PCDH15: variants seen among roughly 807,000 people sequenced by gnomAD.
PCDH15 encodes the protein protocadherin-15.
PCDH15 carries 129 observed loss-of-function variants against 178.5 expected under a neutral mutation model. The observed-to-expected ratio is 0.72, with a 90% confidence interval of 0.63 to 0.84. The LOEUF is 0.84. PCDH15 is among the 40% of genes least tolerant of loss of function. The pLI is 0.00. For missense variants in PCDH15, 2,230 were observed against 2,099.9 expected (o/e 1.06, Z -1.21); for synonymous variants, 800 against 732.0 (o/e 1.09, Z -1.50).
chr10:55,574,953 A>G (rs1842470366), intron 2 of PCDH15, among the ~76,000 whole-genome samples: 1 of 152,108 alleles, frequency 6.6e-6, no homozygotes, highest in African/African-American at 2.4e-5. Flanking sequence ...ATTATTTTCA[A>G]CATAGTTATC....
chr10:54,863,042 A>T (rs1953873088), intron 3 of PCDH15, among the ~76,000 whole-genome samples: 1 of 152,182 alleles, frequency 6.6e-6, no homozygotes, highest in Non-Finnish European at 1.5e-5. Context: ...ATTTTCTAAC[A>T]TCCCATATTA....
intron 2 of PCDH15, among the ~76,000 whole-genome samples, chr10:55,480,962 G>T (rs1840167000): frequency 6.6e-6 from 1 of 151,640 alleles, no homozygotes; most frequent in Non-Finnish European, 1.5e-5. Flanking sequence ...AATCCATCTG[G>T]TCCTGGGCTT....
chr10:55,201,592 G>A (rs1840249424), intron 1 of PCDH15, among the ~76,000 whole-genome samples: 1 of 152,152 alleles, frequency 6.6e-6, no homozygotes, highest in Non-Finnish European at 1.5e-5. Flanking sequence ...GGATGCTTTG[G>A]CAGAAAGATA....
chr10:54,006,995 T>C (rs1385394930), intron 20 of PCDH15, among the ~76,000 whole-genome samples: 1 of 152,164 alleles, frequency 6.6e-6, no homozygotes, highest in East Asian at 1.9e-4. Flanking sequence ...TATCCAAAAT[T>C]ATAATGAGCA....
chr10:54,870,186 A>T (rs1954011711), intron 3 of PCDH15, among the ~76,000 whole-genome samples: 1 of 152,198 alleles, frequency 6.6e-6, no homozygotes, highest in Non-Finnish European at 1.5e-5. Flanking sequence ...TGACCATCAG[A>T]GCTCTGGCTG....
Position 54,991,676 on chromosome 10 carries a change from C to A in PCDH15, c.-79-94176G>T, listed in dbSNP as rs532394432. ...ACAGCGGCTATGATAAAAATTTTGA[C>A]CTTCTCAACATGTCTCTTAGGGATA... On this transcript the variant is annotated intron_variant, in intron 2 of 5. Coordinates refer to the PCDH15 transcript ENST00000458638. 3.3e-5 allele frequency among the ~76,000 whole-genome samples: 5 copies of A among 152,216 alleles called. No individual in the cohort carries two copies. The South Asian group carries it at 1.0e-3, about 32-fold the overall frequency.
chr10:55,341,840 T>A, intron 2 of PCDH15, among the ~76,000 whole-genome samples: 1 of 120,516 alleles, frequency 8.3e-6, no homozygotes, highest in African/African-American at 3.0e-5. Flanking sequence ...TTAGTAGAGA[T>A]GGGGTTTCAC....
In PCDH15 at chr10:54,825,051, G is replaced by A. The variant is rs527787991; in HGVS notation, c.-29+72399C>T. ...CTCCCACCCCACAACAGTCTCCTGT[G>A]TGTGATGTTCCCCTTCCTGTGTCCA... On this transcript the variant is annotated intron_variant, in intron 3 of 5. Transcript: ENST00000458638. Among the ~76,000 whole-genome samples the A allele has an allele frequency of 5.3e-5, 8 of 151,982 alleles. No individual in the cohort carries two copies. In the South Asian group the frequency reaches 1.7e-3, roughly 32 times the overall value.
intron 16 of PCDH15, among the ~76,000 whole-genome samples, chr10:54,086,588 G>T (rs1380013522): frequency 6.6e-6 from 1 of 152,122 alleles, no homozygotes; most frequent in South Asian, 2.1e-4. Context: ...CATTTCAAAT[G>T]CATTGAAATG....
At chr10:53,932,527 C>A (rs1589486900) in intron 25 of PCDH15, among the ~76,000 whole-genome samples, 1 of 152,082 alleles carries the variant, frequency 6.6e-6, no homozygotes, top group East Asian at 1.9e-4. Context: ...ACTGTAGTTG[C>A]CAATGTTAAA....
intron 26 of PCDH15, among the ~76,000 whole-genome samples, chr10:53,880,247 C>A (rs910409937): frequency 5.3e-5 from 8 of 152,122 alleles, no homozygotes; most frequent in Non-Finnish European, 8.8e-5. Flanking sequence ...GCCACAGATT[C>A]AACCCATGGG....
At chr10:55,200,725 T>A (rs1373013212) in intron 1 of PCDH15, among the ~76,000 whole-genome samples, 3 of 152,016 alleles carry the variant, frequency 2.0e-5, no homozygotes, top group African/African-American at 7.3e-5. Context: ...GACTGGATTA[T>A]GGGGGCAGAT....
intron 2 of PCDH15, among the ~76,000 whole-genome samples, chr10:55,342,473 T>A (rs1051188926): frequency 6.6e-6 from 1 of 152,028 alleles, no homozygotes; most frequent in Non-Finnish European, 1.5e-5. Context: ...TTATTTATTT[T>A]TTAGTTTTTA....
chr10:55,340,923 A>G (rs1423504434), intron 2 of PCDH15, among the ~76,000 whole-genome samples: 1 of 152,004 alleles, frequency 6.6e-6, no homozygotes, highest in Non-Finnish European at 1.5e-5. Context: ...TCACATTCTT[A>G]TAGACTATAA....
At chr10:55,049,022 A>T (rs1841086201) in intron 2 of PCDH15, among the ~76,000 whole-genome samples, 1 of 151,952 alleles carries the variant, frequency 6.6e-6, no homozygotes, top group Admixed American at 6.6e-5. Flanking sequence ...ACAGCCTAAG[A>T]CAGAGAGACC....
At chr10:55,273,689 C>T (rs1169552569) in intron 1 of PCDH15, among the ~76,000 whole-genome samples, 1 of 152,008 alleles carries the variant, frequency 6.6e-6, no homozygotes, top group Non-Finnish European at 1.5e-5. Flanking sequence ...TCTGTTAGAA[C>T]TTTCCTTATA....
intron 21 of PCDH15, among the ~76,000 whole-genome samples, chr10:53,984,148 C>CTTTTTT (rs66540462): frequency 7.3e-3 from 463 of 63,426 alleles, no homozygotes; most frequent in East Asian, 0.019. Flanking sequence ...TTTTTCTTTT[C>CTTTTTT]TTTTTTTTTT....
chr10:53,885,194 A>AT lies in PCDH15; in HGVS notation c.3501+18048dup, dbSNP rs199667338. ...TGCTGGCCTTTCCCAGGCTGGGCTT[A>AT]TTTTTTATATAGATTGTGCCCCCTC... On this transcript the variant is annotated intron_variant, in intron 26 of 37. Coordinates refer to ENST00000644397, the MANE Select transcript of PCDH15 (RefSeq NM_001384140.1). Among the ~76,000 whole-genome samples, 1,477 of 152,144 alleles carry AT rather than the reference A, an allele frequency of 9.7e-3. 25 individuals carry two copies. Among genetic ancestry groups the AT allele is most frequent in the African/African-American group, 0.031 (1,268 of 41,524 alleles).
intron 2 of PCDH15, among the ~76,000 whole-genome samples, chr10:54,943,863 AG>A (rs2131866371): frequency 7.5e-6 from 1 of 134,218 alleles, no homozygotes; most frequent in East Asian, 2.0e-4. Context: ...TTCCTTGGCT[AG>A]AAAAAAAAAA....
Sources: gnomAD v4.1 joint callset for allele counts (sites outside exome capture counted in the v4.1 genomes callset) on GRCh38, gnomAD v4.1.1 for gene constraint, MANE v1.5 for transcripts, NCBI Gene and HGNC (gene_info 2026-07-23, HGNC 2026-07-21) for gene names.